LRBA: variants seen among roughly 807,000 people sequenced by gnomAD.
The protein encoded by LRBA is lipopolysaccharide-responsive and beige-like anchor protein.
In LRBA, 176 loss-of-function variants were observed where a neutral mutation model predicts 330.0. That is an observed-to-expected ratio of 0.53 (90% CI 0.47 to 0.60). LRBA has a LOEUF of 0.60. LRBA is among the 20% of genes least tolerant of loss of function. The pLI, the probability that LRBA is intolerant of heterozygous loss-of-function variation, is 0.00. For missense variants in LRBA, 3,259 were observed against 3,444.8 expected (o/e 0.95, Z 1.35); for synonymous variants, 1,230 against 1,193.0 (o/e 1.03, Z -0.64).
At chr4:150,970,191 GTAT>G (rs1330311672) in intron 2 of LRBA, among the ~76,000 whole-genome samples, 1 of 151,884 alleles carries the variant, frequency 6.6e-6, no homozygotes, top group East Asian at 1.9e-4. Context: ...AGACATAATG[GTAT>G]TACACACTTA....
intron 35 of LRBA, among the ~76,000 whole-genome samples, chr4:150,745,471 A>G (rs919137236): frequency 6.6e-6 from 1 of 152,166 alleles, no homozygotes; most frequent in African/African-American, 2.4e-5. Flanking sequence ...ACTTCAGATA[A>G]CAGTATGAAC....
intron 44 of LRBA, among the ~76,000 whole-genome samples, chr4:150,456,723 T>C (rs2152040600): frequency 6.6e-6 from 1 of 152,254 alleles, no homozygotes; most frequent in Non-Finnish European, 1.5e-5. Flanking sequence ...CCTGTGCTTA[T>C]GGGGCACTAC....
intron 38 of LRBA, among the ~76,000 whole-genome samples, chr4:150,597,344 CT>C (rs993388190): frequency 1.9e-4 from 29 of 151,882 alleles, no homozygotes; most frequent in African/African-American, 6.7e-4. Flanking sequence ...AATCCTGTAA[CT>C]CTTCAAAATG....
intron 48 of LRBA, among the ~76,000 whole-genome samples, chr4:150,346,641 C>T (rs996317018): frequency 2.6e-5 from 4 of 151,232 alleles, no homozygotes; most frequent in African/African-American, 9.7e-5. Context: ...TGCCTGTAAT[C>T]CCAGCTATCC....
intron 24 of LRBA, among the ~76,000 whole-genome samples, chr4:150,849,883 G>C (rs1750392047): frequency 6.6e-6 from 1 of 152,118 alleles, no homozygotes; most frequent in Non-Finnish European, 1.5e-5. Flanking sequence ...ACAAAAATTA[G>C]GAGGTAAATA....
chr4:150,403,343 T>C (rs1273654258), intron 47 of LRBA, among the ~76,000 whole-genome samples: 1 of 152,216 alleles, frequency 6.6e-6, no homozygotes. Context: ...GAATTTCATA[T>C]TGCGAGCCCA....
At chr4:150,908,941 G>T (rs1731646877) in intron 9 of LRBA, 84 bp from the exon 10 acceptor site, 1 of 834,532 alleles carries the variant, frequency 1.2e-6, no homozygotes, top group Non-Finnish European at 1.9e-6. Flanking sequence ...ACTTTAAGGA[G>T]ACAGACCATT....
At chr4:150,468,937 A>C (rs1755774850) in intron 43 of LRBA, among the ~76,000 whole-genome samples, 1 of 152,016 alleles carries the variant, frequency 6.6e-6, no homozygotes, top group East Asian at 1.9e-4. Context: ...AAACATCATA[A>C]CAATGACATT....
At chr4:150,884,772 T>C (rs1728769794) in intron 17 of LRBA, among the ~76,000 whole-genome samples, 2 of 151,820 alleles carry the variant, frequency 1.3e-5, no homozygotes. Flanking sequence ...AATTACTATA[T>C]ATGCAAAAAA....
intron 53 of LRBA, among the ~76,000 whole-genome samples, chr4:150,297,871 G>A (rs568495436): frequency 2.0e-5 from 3 of 152,148 alleles, no homozygotes; most frequent in Non-Finnish European, 4.4e-5. Flanking sequence ...ATCCAGGTTA[G>A]GGTAGGGTAA....
At chr4:150,994,013 C>T (rs1438376905) in intron 2 of LRBA, among the ~76,000 whole-genome samples, 3 of 148,156 alleles carry the variant, frequency 2.0e-5, no homozygotes, top group Non-Finnish European at 3.0e-5. Flanking sequence ...TGCAGTGAGC[C>T]GAGATCATAC....
At chr4:150,492,892 A>AT in intron 40 of LRBA, among the ~76,000 whole-genome samples, 1 of 152,230 alleles carries the variant, frequency 6.6e-6, no homozygotes, top group South Asian at 2.1e-4. Context: ...AAGCCACAGG[A>AT]TCTAAACCCC....
At chr4:150,589,037 G>A (rs1353310124) in intron 39 of LRBA, among the ~76,000 whole-genome samples, 4 of 115,752 alleles carry the variant, frequency 3.5e-5, no homozygotes, top group East Asian at 2.3e-4. Context: ...GTCTGTGTGT[G>A]TATACACACA....
Position 150,503,856 on chromosome 4 carries a change from C to T in LRBA, c.6331-12821G>A, listed in dbSNP as rs1473391974. Among the ~76,000 whole-genome samples the T allele has an allele frequency of 3.9e-5, 6 of 152,030 alleles. No individual in the cohort carries two copies. In the South Asian group the frequency reaches 6.2e-4, roughly 16 times the overall value. The stretch of plus-strand genomic sequence containing the variant: ...TTAAAAACTTTGAAAAAAAATTAGA[C>T]GAATGGATAACTAGAATAACCAATG... On this transcript the variant is annotated intron_variant, in intron 40 of 56. Transcript: ENST00000651943.
At chr4:150,779,668 T>C (rs1737894296) in intron 34 of LRBA, among the ~76,000 whole-genome samples, 1 of 152,130 alleles carries the variant, frequency 6.6e-6, no homozygotes, top group Non-Finnish European at 1.5e-5. Context: ...AATAAAACAA[T>C]CCTACTACTG....
intron 2 of LRBA, among the ~76,000 whole-genome samples, chr4:150,987,765 G>T (rs1741623472): frequency 1.3e-5 from 2 of 151,662 alleles, no homozygotes; most frequent in Admixed American, 1.3e-4. Flanking sequence ...ACTGTGAGAG[G>T]CCGAGGCAGG....
chr4:150,793,058 C>T (rs1373128673), intron 34 of LRBA, among the ~76,000 whole-genome samples: 10 of 150,808 alleles, frequency 6.6e-5, no homozygotes, highest in Admixed American at 4.6e-4. Context: ...CCAGCCTGGG[C>T]GACAAGAGCG....
intron 37 of LRBA, among the ~76,000 whole-genome samples, chr4:150,678,426 C>A (rs1782763742): frequency 6.6e-6 from 1 of 152,054 alleles, no homozygotes; most frequent in Non-Finnish European, 1.5e-5. Context: ...GTGGTAGAGA[C>A]AGATCCCAGA....
At chr4:150,360,200 C>T (rs1258150854) in intron 47 of LRBA, among the ~76,000 whole-genome samples, 1 of 151,308 alleles carries the variant, frequency 6.6e-6, no homozygotes, top group Non-Finnish European at 1.5e-5. Flanking sequence ...GCTGTGTTGC[C>T]CAGGCCAGTC....
Sources: gnomAD v4.1 joint callset for allele counts (sites outside exome capture counted in the v4.1 genomes callset) on GRCh38, gnomAD v4.1.1 for gene constraint, MANE v1.5 for transcripts, NCBI Gene and HGNC (gene_info 2026-07-23, HGNC 2026-07-21) for gene names.